The following SOAT2 variants were observed in gnomAD, a reference collection of about 807,000 sequenced individuals.
The protein encoded by SOAT2 is ACAT-2.
A neutral mutation model predicts 76.0 loss-of-function variants in SOAT2; 87 were observed. The ratio of observed to expected loss-of-function variants is 1.14; its 90% confidence interval spans 0.96 to 1.37. The LOEUF is 1.37. SOAT2 is among the 40% of genes most tolerant of loss of function. SOAT2 has a pLI of 0.00. For synonymous variants in SOAT2, 285 were observed against 275.4 expected (o/e 1.03, Z -0.34); for missense variants, 686 against 682.1 (o/e 1.01, Z -0.06).
chr12:53,104,959 A>C (rs1592274461), intron 2 of SOAT2, 148 bp from the exon 3 acceptor site: 9 of 681,560 alleles, frequency 1.3e-5, no homozygotes, highest in Non-Finnish European at 1.6e-5. Flanking sequence ...GCCACCACTG[A>C]ACCCCCATCC....
rs767245625 is a variant in SOAT2 at position 53,123,730 on chromosome 12, A to G, written c.1375A>G (p.Met459Val). The G allele has an allele frequency of 6.2e-7, 1 of 1,614,130 alleles. No individual in the cohort carries two copies. The highest frequency in any genetic ancestry group is 1.7e-5 in the Admixed American group (1 of 60,020). The change falls in exon 14 of 15, where the codon ATG (methionine) becomes GTG (valine). Residue 459 changes from methionine (M) to valine (V), a missense_variant and splice_region_variant. By Grantham distance (21) the Met-to-Val change is conservative. Transcript: ENST00000301466. ...MLILFLVIGGMLNFMMHDQRT... is the reference protein window; with the variant it reads ...MLILFLVIGGVLNFMMHDQRT... ...GACAACCTTTCCTCCTGCACCAGGA[A>G]TGTTGAACTTCATGATGCATGACCA...
intron 9 of SOAT2, 53 bp from the exon 10 acceptor site, chr12:53,119,071 A>C (rs1592279216): frequency 6.2e-7 from 1 of 1,611,892 alleles, no homozygotes. Context: ...GGTCAATGCC[A>C]CCGGCAGCTG....
Position 53,123,191 on chromosome 12 carries a change from GCT to G in SOAT2, c.1348_1349del (p.Leu450AspfsTer16). 6.2e-7 allele frequency: 1 copy of G among 1,614,040 alleles called. No individual in the cohort carries two copies. The highest frequency in any genetic ancestry group is 8.5e-7 in the Non-Finnish European group (1 of 1,179,978). On this transcript the variant is annotated frameshift_variant, in exon 13 of 15. Coordinates refer to ENST00000301466, the MANE Select transcript of SOAT2 (RefSeq NM_003578.4). LOFTEE classifies it high-confidence loss of function. Reference protein sequence around the residue: ...FVLGFFYPVMLILFLVIGGML... With the variant: ...FVLGFFYPVMXILFLVIGGML... Reference sequence around the variant, plus strand: ...TCCTGGGGTTCTTCTATCCCGTCATGCTGATACTCTTCCTTGTCATTGGAGGT... The same window carrying G: ...TCCTGGGGTTCTTCTATCCCGTCATGGATACTCTTCCTTGTCATTGGAGGT...
intron 5 of SOAT2, among the ~76,000 whole-genome samples, chr12:53,111,206 C>T (rs980306310): frequency 5.9e-5 from 9 of 151,718 alleles, no homozygotes; most frequent in South Asian, 2.1e-4. Context: ...CCCAGGTTCA[C>T]GCCATTCTCC....
chr12:53,105,425 T>G, intron 3 of SOAT2, 136 bp from the exon 4 acceptor site: 1 of 1,177,958 alleles, frequency 8.5e-7, no homozygotes, highest in Non-Finnish European at 1.2e-6. Flanking sequence ...CCTGACCTTC[T>G]ACCCGGTCCT....
At chr12:53,121,614 TTCCACCCTG>T (rs1307044768) in intron 12 of SOAT2, among the ~76,000 whole-genome samples, 3 of 152,090 alleles carry the variant, frequency 2.0e-5, no homozygotes, top group Non-Finnish European at 4.4e-5. Context: ...TTATCCTTAA[TTCCACCCTG>T]TCCACAGGGC....
At chr12:53,118,617 T>C (rs1055422522) in intron 8 of SOAT2, among the ~76,000 whole-genome samples, 183 bp downstream of exon 8, 1 of 152,096 alleles carries the variant, frequency 6.6e-6, no homozygotes, top group Non-Finnish European at 1.5e-5. Flanking sequence ...CGGCCTATGA[T>C]GACACTAGGG....
chr12:53,114,417 C>T (rs1167392435), intron 5 of SOAT2, among the ~76,000 whole-genome samples: 1 of 152,092 alleles, frequency 6.6e-6, no homozygotes, highest in African/African-American at 2.4e-5. Flanking sequence ...ACACTGCTCT[C>T]GGAGGATTTT....
At chr12:53,122,674 C>T (rs953796077) in intron 12 of SOAT2, among the ~76,000 whole-genome samples, 3 of 152,008 alleles carry the variant, frequency 2.0e-5, no homozygotes, top group Admixed American at 1.3e-4. Context: ...AACAGGATCC[C>T]AAGGCAGAAG....
intron 5 of SOAT2, among the ~76,000 whole-genome samples, chr12:53,106,308 A>C (rs1481786162): frequency 6.6e-6 from 1 of 152,224 alleles, no homozygotes; most frequent in African/African-American, 2.4e-5. Context: ...GCACACCCAT[A>C]CACACTCCTT....
At chr12:53,106,035 G>A in intron 5 of SOAT2, 21 bp downstream of exon 5, 1 of 1,554,874 alleles carries the variant, frequency 6.4e-7, no homozygotes, top group Non-Finnish European at 8.9e-7. Flanking sequence ...TTCCCACCTG[G>A]GACAGGCACA....
chr12:53,110,953 G>A (rs964816889), intron 5 of SOAT2, among the ~76,000 whole-genome samples: 13 of 151,652 alleles, frequency 8.6e-5, no homozygotes, highest in South Asian at 8.3e-4. Flanking sequence ...TCTTTAAAAA[G>A]GACACAATTT....
intron 7 of SOAT2, among the ~76,000 whole-genome samples, chr12:53,117,061 C>T (rs1361838115): frequency 2.0e-5 from 3 of 150,258 alleles, no homozygotes; most frequent in Non-Finnish European, 4.4e-5. Flanking sequence ...TGGGTTCAAG[C>T]GATTCTCCTG....
intron 7 of SOAT2, among the ~76,000 whole-genome samples, chr12:53,116,515 C>T (rs1175442214): frequency 6.6e-6 from 1 of 152,200 alleles, no homozygotes; most frequent in Non-Finnish European, 1.5e-5. Flanking sequence ...CAAGTTGGCA[C>T]TGGCTCCAAC....
At chr12:53,123,323 A>G in intron 13 of SOAT2, 107 bp downstream of exon 13, 1 of 1,391,820 alleles carries the variant, frequency 7.2e-7, no homozygotes, top group Non-Finnish European at 1.0e-6. Context: ...CCAGGCCTGG[A>G]GGCAAGGCTG....
At chr12:53,123,937 C>T (rs1399061986) in intron 14 of SOAT2, 64 bp downstream of exon 14, 22 of 1,607,710 alleles carry the variant, frequency 1.4e-5, no homozygotes, top group Non-Finnish European at 1.8e-5. Flanking sequence ...ACAGCCAGTC[C>T]CTCCTTGTTC....
At chr12:53,103,737 T>A in intron 1 of SOAT2, 78 bp downstream of exon 1, 7 of 1,144,068 alleles carry the variant, frequency 6.1e-6, no homozygotes, top group Non-Finnish European at 7.2e-6. Flanking sequence ...GAGAGAAGGC[T>A]CCAACTGCCT....
rs1938244030 is a variant in SOAT2, at chr12:53,124,506, A to G, written c.*383A>G. On this transcript the variant is annotated 3_prime_UTR_variant, in exon 15 of 15. Transcript: ENST00000301466. ...CTTGACTTTGTATTCCTTCCAATAC[A>G]GCAATAAACTTTGTCTCCCTTTTTA... 4.6e-6 allele frequency: 1 copy of G among 217,858 alleles called. No homozygotes were observed. Among genetic ancestry groups the G allele is most frequent in the Admixed American group, 5.4e-5 (1 of 18,582 alleles). The allele number at this position is 217,858 out of a possible 1,614,324, so 13.5% of individuals were successfully genotyped here. A position where few individuals can be genotyped will look rare whatever the true frequency, so the allele number is the denominator to read the frequency against.
intron 3 of SOAT2, 152 bp downstream of exon 3, chr12:53,105,395 G>A: frequency 8.1e-7 from 1 of 1,238,254 alleles, no homozygotes; most frequent in Non-Finnish European, 1.1e-6. Context: ...TCCATCTACT[G>A]GGCCTCGCTC....
Sources: allele counts gnomAD v4.1 joint callset (sites outside exome capture counted in the v4.1 genomes callset), GRCh38; gene constraint gnomAD v4.1.1; transcripts MANE v1.5; gene names NCBI Gene and HGNC (gene_info 2026-07-23, HGNC 2026-07-21).